The following ANKRD45 variants were observed in gnomAD, a reference collection of about 807,000 sequenced individuals.
ANKRD45 encodes ankyrin repeat domain-containing protein 45.
In ANKRD45, 21 loss-of-function variants were observed where a neutral mutation model predicts 28.1. The observed-to-expected ratio is 0.75, with a 90% confidence interval of 0.53 to 1.08. The LOEUF (loss-of-function observed/expected upper bound fraction) is 1.08. ANKRD45 is among the 50% of genes least tolerant of loss of function. The pLI, the probability that ANKRD45 is intolerant of heterozygous loss-of-function variation, is 0.00. For synonymous variants in ANKRD45, 86 were observed against 103.9 expected (o/e 0.83, Z 1.05); for missense variants, 261 against 308.7 (o/e 0.85, Z 1.16).
intron 3 of ANKRD45, among the ~76,000 whole-genome samples, chr1:173,633,359 G>A (rs542588558): frequency 2.0e-5 from 3 of 151,960 alleles, no homozygotes; most frequent in African/African-American, 7.2e-5. Flanking sequence ...CATAAAAAAT[G>A]GAAAGACATT....
rs978403375 is a variant in ANKRD45 at position 173,609,379 on chromosome 1, A to G, written c.*766T>C. Reference sequence around the variant, plus strand: ...TATAAAACTTTTCCATAAAGTCACAACGTAAGAGAAGGTTGAGGCGCCTGA... The same window carrying G: ...TATAAAACTTTTCCATAAAGTCACAGCGTAAGAGAAGGTTGAGGCGCCTGA... On this transcript the variant is annotated 3_prime_UTR_variant, in exon 6 of 6. Transcript: ENST00000333279. 2.0e-5 allele frequency among the ~76,000 whole-genome samples: 3 copies of G among 152,218 alleles called. No individual in the cohort carries two copies. Among genetic ancestry groups the G allele is most frequent in the Non-Finnish European group, 4.4e-5 (3 of 68,044 alleles).
chr1:173,692,846 G>A, the ANKRD45 span, among the ~76,000 whole-genome samples: 1 of 152,150 alleles, frequency 6.6e-6, no homozygotes, highest in African/African-American at 2.4e-5. Context: ...GGGAATCAGT[G>A]ATTATTTCAC....
intron 5 of ANKRD45, among the ~76,000 whole-genome samples, chr1:173,616,738 C>G (rs1667482316): frequency 6.6e-6 from 1 of 152,130 alleles, no homozygotes. Context: ...CCAAGAGGAA[C>G]TGAGATGGCC....
chr1:173,697,420 G>T, the ANKRD45 span, among the ~76,000 whole-genome samples: 1 of 152,176 alleles, frequency 6.6e-6, no homozygotes, highest in Non-Finnish European at 1.5e-5. Context: ...AGAGAGAAAG[G>T]TTGGGTTACC....
chr1:173,671,799 G>A (rs1300338871), upstream of ANKRD45, among the ~76,000 whole-genome samples: 8 of 150,476 alleles, frequency 5.3e-5, 1 homozygote, highest in South Asian at 8.4e-4. Context: ...GGAGAATCAC[G>A]TAAACCCGGG....
intron 1 of ANKRD45, chr1:173,667,706 T>TAAA (rs76892513): frequency 5.4e-6 from 2 of 370,880 alleles, no homozygotes; most frequent in Admixed American, 3.0e-5. Flanking sequence ...GACCCCATCT[T>TAAA]AAAAAAAAAA....
At chr1:173,664,085 G>C (rs901053559) in intron 1 of ANKRD45, among the ~76,000 whole-genome samples, 1 of 152,174 alleles carries the variant, frequency 6.6e-6, no homozygotes, top group Non-Finnish European at 1.5e-5. Context: ...CCCACAGTGT[G>C]TAAAAACATG....
At chr1:173,690,266 T>C in the ANKRD45 span, among the ~76,000 whole-genome samples, 1 of 151,790 alleles carries the variant, frequency 6.6e-6, no homozygotes, top group African/African-American at 2.4e-5. Flanking sequence ...GTCAGGGTTA[T>C]AAGGAGGAGG....
the ANKRD45 span, among the ~76,000 whole-genome samples, chr1:173,676,179 A>G: frequency 7.9e-5 from 12 of 152,340 alleles, no homozygotes; most frequent in Admixed American, 2.6e-4. Flanking sequence ...AAGCCTTGGT[A>G]AAATAACCAG....
the ANKRD45 span, among the ~76,000 whole-genome samples, chr1:173,681,612 G>A: frequency 1.3e-5 from 2 of 152,152 alleles, no homozygotes; most frequent in Middle Eastern, 3.4e-3. Context: ...TCAGATTCTT[G>A]ATAACCTGTT....
In ANKRD45 at chr1:173,610,175, C is replaced by G. The variant is rs1436599924; in HGVS notation, c.771G>C (p.Gln257His). 2 of 1,614,064 alleles carry G rather than the reference C, an allele frequency of 1.2e-6. No homozygotes were observed. The highest frequency in any genetic ancestry group is 1.7e-6 in the Non-Finnish European group (2 of 1,180,034). ...KSAKSVTSHD[Q>H]KRSQDDTSN ...TGGAGGTATCATCTTGACTTCTCTT[C>G]TGGTCATGGCTTGTTACAGATTTGG... Residue 257 changes from glutamine (Q) to histidine (H), a missense_variant, in exon 6 of 6, where the codon CAG (glutamine) becomes CAC (histidine). Transcript: ENST00000333279.
At chr1:173,657,868 C>T (rs866143807) in intron 2 of ANKRD45, 1 of 151,420 alleles carries the variant, frequency 6.6e-6, no homozygotes, top group Non-Finnish European at 1.5e-5. Flanking sequence ...CAGTCAAATG[C>T]TTTGTTTACT....
At chr1:173,689,096 C>A in the ANKRD45 span, among the ~76,000 whole-genome samples, 5 of 152,302 alleles carry the variant, frequency 3.3e-5, no homozygotes, top group Non-Finnish European at 7.4e-5. Context: ...CCTGACCCCC[C>A]TACTCTTCCT....
At chr1:173,644,877 C>A (rs1668856035) in intron 3 of ANKRD45, among the ~76,000 whole-genome samples, 1 of 151,860 alleles carries the variant, frequency 6.6e-6, no homozygotes, top group African/African-American at 2.4e-5. Flanking sequence ...CCTGTAATAC[C>A]AGCTACTTGG....
At chr1:173,638,525 G>A (rs1171315603) in intron 3 of ANKRD45, among the ~76,000 whole-genome samples, 7 of 152,110 alleles carry the variant, frequency 4.6e-5, no homozygotes, top group Non-Finnish European at 7.4e-5. Context: ...GAGCAAGGGG[G>A]GTTGAAAGCT....
chr1:173,676,851 A>AT, the ANKRD45 span, among the ~76,000 whole-genome samples: 1 of 151,240 alleles, frequency 6.6e-6, no homozygotes, highest in East Asian at 1.9e-4. Flanking sequence ...AAAAAAAAAA[A>AT]AAGAATTATA....
intron 1 of ANKRD45, among the ~76,000 whole-genome samples, chr1:173,663,081 A>ACC (rs952419950): frequency 4.6e-5 from 7 of 151,582 alleles, no homozygotes; most frequent in African/African-American, 1.7e-4. Flanking sequence ...ACACACACAC[A>ACC]CACACACACA....
At chr1:173,649,308 T>TA (rs561392730) in intron 2 of ANKRD45, among the ~76,000 whole-genome samples, 49 of 152,316 alleles carry the variant, frequency 3.2e-4, no homozygotes, top group African/African-American at 1.1e-3. Context: ...AAAGGGATTA[T>TA]ACCAATTTAT....
At chr1:173,706,563 T>C in the ANKRD45 span, among the ~76,000 whole-genome samples, 2 of 151,974 alleles carry the variant, frequency 1.3e-5, no homozygotes, top group South Asian at 4.1e-4. Flanking sequence ...GGTCTCGAAC[T>C]CCTGACCTCA....
Sources: allele counts gnomAD v4.1 joint callset (sites outside exome capture counted in the v4.1 genomes callset), GRCh38; gene constraint gnomAD v4.1.1; transcripts MANE v1.5; gene names NCBI Gene and HGNC (gene_info 2026-07-23, HGNC 2026-07-21).